Variants in RYR3 observed in about 807,000 individuals in gnomAD.
RYR3 encodes brain ryanodine receptor-calcium release channel.
Under a neutral mutation model 584.3 loss-of-function variants are expected in RYR3, and 207 were observed. The ratio of observed to expected loss-of-function variants is 0.35; its 90% CI spans 0.32 to 0.40. The LOEUF is 0.40. RYR3 is among the 10% of genes least tolerant of loss of function. The probability of loss-of-function intolerance (pLI) is 1.00; values close to 1 mark genes in which losing one functional copy is unlikely to be tolerated. For missense variants in RYR3, 5,616 were observed against 6,089.2 expected, an observed-to-expected ratio of 0.92 and a Z score of 2.59; for synonymous variants, 2,416 against 2,248.5, an observed-to-expected ratio of 1.07 and a Z score of -2.11.
chr15:33,831,153 A>T (rs147360005), intron 86 of RYR3, 62 bp downstream of exon 86: 1 of 1,474,836 alleles, frequency 6.8e-7, no homozygotes, highest in South Asian at 1.2e-5. Context: ...CCTGTATTCT[A>T]TATTCCCTAC....
chr15:33,485,505 G>A (rs1388767100), intron 2 of RYR3, among the ~76,000 whole-genome samples: 1 of 152,172 alleles, frequency 6.6e-6, no homozygotes, highest in Non-Finnish European at 1.5e-5. Flanking sequence ...AAGGCCTGGT[G>A]TTAAGAACAG....
At chr15:33,737,427 A>G (rs2152831044) in intron 49 of RYR3, among the ~76,000 whole-genome samples, 1 of 152,364 alleles carries the variant, frequency 6.6e-6, no homozygotes, top group South Asian at 2.1e-4. Context: ...TCCCATATGC[A>G]AAAGTGTTAG....
intron 1 of RYR3, among the ~76,000 whole-genome samples, chr15:33,331,132 C>A (rs775172583): frequency 3.9e-5 from 6 of 152,076 alleles, no homozygotes; most frequent in Non-Finnish European, 5.9e-5. Flanking sequence ...CAGAACGGAG[C>A]CTCTTCATCC....
rs554893420 is a variant in RYR3, at chr15:33,676,220, A to G, written c.5860+5664A>G. ...GAAGGAAGGGGTCATGAGCCAACAAATGTACGCTGCCTCTAGAAGGTAAAA... is the reference window on the plus strand; with the variant it reads ...GAAGGAAGGGGTCATGAGCCAACAAGTGTACGCTGCCTCTAGAAGGTAAAA... On this transcript the variant is annotated intron_variant, in intron 38 of 103. Coordinates refer to ENST00000634891, the MANE Select transcript of RYR3 (RefSeq NM_001036.6). Among the ~76,000 whole-genome samples, 68 of 142,732 alleles carry G rather than the reference A, an allele frequency of 4.8e-4. 1 individual carries two copies. Among genetic ancestry groups the G allele is most frequent in the Non-Finnish European group, 9.2e-4 (61 of 66,572 alleles). 93.6% of individuals were successfully genotyped at this position (142,732 alleles called of 152,430 possible).
At chr15:33,570,681 G>A (rs76856235) in intron 12 of RYR3, among the ~76,000 whole-genome samples, 2 of 152,066 alleles carry the variant, frequency 1.3e-5, no homozygotes, top group African/African-American at 4.8e-5. Context: ...TTGGAGGACT[G>A]TTATCCTCAT....
At chr15:33,558,931 G>T (rs374719962) in intron 10 of RYR3, among the ~76,000 whole-genome samples, 1 of 152,076 alleles carries the variant, frequency 6.6e-6, no homozygotes, top group Admixed American at 6.5e-5. Context: ...AAGCCTTTTC[G>T]TGGTTTCCAT....
At chr15:33,442,804 G>T (rs4356445) in intron 1 of RYR3, among the ~76,000 whole-genome samples, 20,166 of 152,258 alleles carry the variant, frequency 0.13, 1,549 homozygotes, top group East Asian at 0.33. Flanking sequence ...AGCCAAAATA[G>T]ATGCTGCAAA....
At chr15:33,670,372 G>T (rs1474327922) in intron 37 of RYR3, 47 bp from the exon 38 acceptor site, 1 of 1,600,590 alleles carries the variant, frequency 6.2e-7, no homozygotes, top group Non-Finnish European at 8.5e-7. Context: ...CACTATGATG[G>T]TTTCATGCAC....
At chr15:33,383,729 G>A (rs545881576) in intron 1 of RYR3, among the ~76,000 whole-genome samples, 6 of 152,076 alleles carry the variant, frequency 3.9e-5, no homozygotes, top group Non-Finnish European at 8.8e-5. Context: ...AGTCCCCAGG[G>A]GCTACCATTT....
intron 1 of RYR3, among the ~76,000 whole-genome samples, chr15:33,428,485 TAATAAA>T (rs549923519): frequency 7.5e-4 from 114 of 152,320 alleles, no homozygotes; most frequent in African/African-American, 2.7e-3. Flanking sequence ...GTTGGACAGA[TAATAAA>T]AACAAAATAC....
intron 69 of RYR3, among the ~76,000 whole-genome samples, chr15:33,804,496 G>A (rs1391668986): frequency 6.6e-6 from 1 of 152,184 alleles, no homozygotes; most frequent in Non-Finnish European, 1.5e-5. Context: ...TCTGCAGAAT[G>A]GGATTGAGCT....
intron 20 of RYR3, among the ~76,000 whole-genome samples, chr15:33,627,030 C>T (rs928542214): frequency 6.6e-6 from 1 of 152,076 alleles, no homozygotes; most frequent in Non-Finnish European, 1.5e-5. Context: ...AGAAGAGGGC[C>T]ACCATCCTCT....
chr15:33,639,385 A>T (rs1227049657), intron 27 of RYR3, among the ~76,000 whole-genome samples: 4 of 152,228 alleles, frequency 2.6e-5, no homozygotes, highest in Admixed American at 6.5e-5. Flanking sequence ...AAGGGTAGTT[A>T]TAAGGAAGTC....
At chr15:33,749,450 G>A (rs1013713021) in intron 55 of RYR3, among the ~76,000 whole-genome samples, 5 of 152,160 alleles carry the variant, frequency 3.3e-5, no homozygotes, top group Admixed American at 6.5e-5. Context: ...TTGGACCTTC[G>A]AGAAAGTTTC....
chr15:33,751,685 G>C (rs1232602249), intron 57 of RYR3, among the ~76,000 whole-genome samples: 3 of 151,802 alleles, frequency 2.0e-5, no homozygotes, highest in African/African-American at 7.3e-5. Context: ...TAGGTTGCCT[G>C]TTCACTCTGA....
chr15:33,424,437 GT>G (rs2044457147), intron 1 of RYR3, among the ~76,000 whole-genome samples: 1 of 152,128 alleles, frequency 6.6e-6, no homozygotes, highest in South Asian at 2.1e-4. Context: ...TCAAATTTCT[GT>G]TTTCTCAAAA....
chr15:33,663,743 G>A lies in RYR3; in HGVS notation c.5619+6G>A, dbSNP rs1169369813. The A allele has an allele frequency of 3.1e-6, 5 of 1,596,144 alleles. No homozygotes were observed. Among genetic ancestry groups the A allele is most frequent in the Non-Finnish European group, 4.3e-6 (5 of 1,172,108 alleles). On this transcript the variant is annotated splice_donor_region_variant and intron_variant, in intron 36 of 103. Transcript: ENST00000634891. ...GCTCACCCCCACAGGAGCAGGTGAGGGTCCTTCCTGAGCCTCTGTCCAGTT... is the reference window on the plus strand; with the variant it reads ...GCTCACCCCCACAGGAGCAGGTGAGAGTCCTTCCTGAGCCTCTGTCCAGTT...
Position 33,757,801 on chromosome 15 carries a change from G to A in RYR3, c.8705+205G>A, listed in dbSNP as rs775612569. On this transcript the variant is annotated intron_variant, in intron 60 of 103. Coordinates refer to ENST00000634891, the MANE Select transcript of RYR3 (RefSeq NM_001036.6). ...TGAGGTATACTGTGTGGGAGTACCC[G>A]TGGGGCTTGGGAAAGATGTATATAA... The A allele has an allele frequency of 8.3e-5, 49 of 592,546 alleles. 1 individual carries two copies. Among genetic ancestry groups the A allele is most frequent in the Middle Eastern group, 9.2e-4 (2 of 2,184 alleles). The allele number at this position is 592,546 out of a possible 1,614,324, so 36.7% of individuals were successfully genotyped here.
chr15:33,655,833 C>A (rs1358373849), intron 32 of RYR3, among the ~76,000 whole-genome samples: 7 of 152,192 alleles, frequency 4.6e-5, no homozygotes, highest in Non-Finnish European at 4.4e-5. Context: ...TATTCCACAG[C>A]TGTAGCCATT....
Sources: gnomAD v4.1 joint callset for allele counts (sites outside exome capture counted in the v4.1 genomes callset) on GRCh38, gnomAD v4.1.1 for gene constraint, MANE v1.5 for transcripts, NCBI Gene and HGNC (gene_info 2026-07-23, HGNC 2026-07-21) for gene names.